The following SCN2B variants were observed in gnomAD, a reference collection of about 807,000 sequenced individuals.
SCN2B encodes sodium channel regulatory subunit beta-2.
In SCN2B, 14 loss-of-function variants were observed where a neutral mutation model predicts 18.2. The observed-to-expected ratio is 0.77, with a 90% CI of 0.51 to 1.21. SCN2B has a LOEUF of 1.21. Ranked by LOEUF, SCN2B falls within the 50% of genes most tolerant of loss-of-function variation. The pLI is 0.00. For synonymous variants in SCN2B, 115 were observed against 115.3 expected, an observed-to-expected ratio of 1.00 and a Z score of 0.02; for missense variants, 262 against 286.9, an observed-to-expected ratio of 0.91 and a Z score of 0.63.
At chr11:118,174,672 C>A (rs1212251143) in intron 1 of SCN2B, among the ~76,000 whole-genome samples, 1 of 152,194 alleles carries the variant, frequency 6.6e-6, no homozygotes, top group Non-Finnish European at 1.5e-5. Context: ...CCTCCCACTA[C>A]CATCTCCCCA....
In SCN2B at chr11:118,176,421, T is replaced by A. The variant is rs766461894; in HGVS notation, c.11A>T (p.Asp4Val). 6.2e-7 allele frequency: 1 copy of A among 1,613,978 alleles called. No individual in the cohort carries two copies. Among genetic ancestry groups the A allele is most frequent in the Non-Finnish European group, 8.5e-7 (1 of 1,179,986 alleles). Residue 4 changes from aspartate (D) to valine (V), a missense_variant, in exon 1 of 4, where the codon GAT becomes GTT. Transcript: ENST00000278947. MHR[D>V]AWLPRPAFSL... Reference sequence around the variant, plus strand: ...GAAGGCAGGGCGAGGTAGCCAGGCATCTCTGTGCATTTTCAGAGACTGAGA... The same window carrying A: ...GAAGGCAGGGCGAGGTAGCCAGGCAACTCTGTGCATTTTCAGAGACTGAGA...
intron 1 of SCN2B, among the ~76,000 whole-genome samples, chr11:118,172,346 T>C (rs1010469925): frequency 6.6e-6 from 1 of 152,206 alleles, no homozygotes; most frequent in African/African-American, 2.4e-5. Flanking sequence ...CACAAAGAAG[T>C]TAAGAGACGA....
At position 118,164,592 on chromosome 11, in the gene SCN2B, C is replaced by T. The variant is rs1451892615; in HGVS notation, c.*2295G>A. ...CACCCTTGACCCTGTTGTATTGCCC[C>T]TCTTCCCTGCTGTTTCTCCCTTCCC... is the stretch of plus-strand genomic sequence containing the variant. On this transcript the variant is annotated 3_prime_UTR_variant, in exon 4 of 4. Transcript: ENST00000278947. 2 of 152,938 alleles carry T rather than the reference C, an allele frequency of 1.3e-5. No homozygotes were observed. Among genetic ancestry groups the T allele is most frequent in the African/African-American group, 2.4e-5 (1 of 41,472 alleles). 9.5% of individuals were successfully genotyped at this position (152,938 alleles called of 1,614,324 possible).
In SCN2B at chr11:118,166,878, G is replaced by A. The variant is rs759635029; in HGVS notation, c.*9C>T. On this transcript the variant is annotated 3_prime_UTR_variant, in exon 4 of 4. Coordinates refer to ENST00000278947, the MANE Select transcript of SCN2B (RefSeq NM_004588.5). ...ACGGGACACGGGAGGCTGCAGGGCC[G>A]GCCACCCACTACTTGGCGCCATCAT... is the stretch of plus-strand genomic sequence containing the variant. 18 of 1,613,540 alleles carry A rather than the reference G, an allele frequency of 1.1e-5. No individual in the cohort carries two copies. Among genetic ancestry groups the A allele is most frequent in the East Asian group, 4.5e-5 (2 of 44,870 alleles).
rs949783119 is a variant in SCN2B at position 118,168,856 on chromosome 11, C to T, written c.71-105G>A. The T allele has an allele frequency of 7.9e-7, 1 of 1,270,890 alleles. No individual in the cohort carries two copies. Among genetic ancestry groups the T allele is most frequent in the Non-Finnish European group, 1.1e-6 (1 of 872,482 alleles). 78.7% of individuals were successfully genotyped at this position (1,270,890 alleles called of 1,614,324 possible). A position where few individuals can be genotyped will look rare whatever the true frequency, so the allele number is the denominator to read the frequency against. The stretch of plus-strand genomic sequence containing the variant: ...TGGGGGATGAGGCAGAGCAGAGCCA[C>T]AGGGAGGGGACTGGGTCCCTGACAG... On this transcript the variant is annotated intron_variant, in intron 1 of 3. Transcript: ENST00000278947. The surrounding 1 kb of genome is among the most constrained non-coding windows in gnomAD (Gnocchi z 4.7).
chr11:118,170,472 G>A (rs1355866676), intron 1 of SCN2B, among the ~76,000 whole-genome samples: 1 of 152,176 alleles, frequency 6.6e-6, no homozygotes, highest in Non-Finnish European at 1.5e-5. Context: ...TGAGACCTGA[G>A]GTCCAAGAGT....
intron 1 of SCN2B, among the ~76,000 whole-genome samples, chr11:118,175,225 C>T (rs946664688): frequency 1.3e-5 from 2 of 152,162 alleles, no homozygotes; most frequent in Non-Finnish European, 2.9e-5. Flanking sequence ...TTAGTTTACC[C>T]GGGAGGGAAC....
At chr11:118,167,876 T>G (rs1238475638) in intron 3 of SCN2B, among the ~76,000 whole-genome samples, 2 of 152,190 alleles carry the variant, frequency 1.3e-5, no homozygotes, top group South Asian at 2.1e-4. Context: ...AGACTGGGAT[T>G]ATATTCTGTA....
intron 1 of SCN2B, among the ~76,000 whole-genome samples, chr11:118,170,029 G>A (rs1470497996): frequency 6.6e-6 from 1 of 152,146 alleles, no homozygotes; most frequent in African/African-American, 2.4e-5. Flanking sequence ...TTTTCTTTAT[G>A]GAGGATAAAC....
chr11:118,176,259 G>C, intron 1 of SCN2B, 103 bp downstream of exon 1: 1 of 1,117,674 alleles, frequency 8.9e-7, no homozygotes, highest in Non-Finnish European at 1.4e-6. Flanking sequence ...GACACAGAGG[G>C]AAAGCGCTAG....
In SCN2B at chr11:118,166,777, C is replaced by G. The variant is rs542359426; in HGVS notation, c.*110G>C. ...GGGGTTCAGGAGGCCCCAGGTGGGC[C>G]CTGGGGTCCTAGGTCACGGGAAGCA... On this transcript the variant is annotated 3_prime_UTR_variant, in exon 4 of 4. Coordinates refer to ENST00000278947, the MANE Select transcript of SCN2B (RefSeq NM_004588.5). The G allele has an allele frequency of 6.6e-6, 9 of 1,369,688 alleles. No homozygotes were observed. Among genetic ancestry groups the G allele is most frequent in the Non-Finnish European group, 9.2e-6 (9 of 973,890 alleles). 84.8% of individuals were successfully genotyped at this position (1,369,688 alleles called of 1,614,324 possible). A position where few individuals can be genotyped will look rare whatever the true frequency, so the allele number is the denominator to read the frequency against.
intron 1 of SCN2B, among the ~76,000 whole-genome samples, chr11:118,172,746 C>T (rs1254976073): frequency 6.6e-6 from 1 of 152,246 alleles, no homozygotes; most frequent in Admixed American, 6.5e-5. Flanking sequence ...GGCCTCGTGT[C>T]ATCCACTGTT....
chr11:118,169,491 C>T (rs1948413278), intron 1 of SCN2B, among the ~76,000 whole-genome samples: 1 of 152,206 alleles, frequency 6.6e-6, no homozygotes, highest in Admixed American at 6.5e-5. Context: ...GAAGGCCTCG[C>T]TCTCCATACC....
chr11:118,176,425 T>C lies in SCN2B; in HGVS notation c.7A>G (p.Arg3Gly). 6.2e-7 allele frequency: 1 copy of C among 1,613,912 alleles called. No individual in the cohort carries two copies. The highest frequency in any genetic ancestry group is 8.5e-7 in the Non-Finnish European group (1 of 1,179,840). The change falls in exon 1 of 4, where the codon AGA becomes GGA. Residue 3 changes from arginine to glycine, a missense_variant. Coordinates refer to ENST00000278947, the MANE Select transcript of SCN2B (RefSeq NM_004588.5). MH[R>G]DAWLPRPAFS... Reference sequence around the variant, plus strand: ...GCAGGGCGAGGTAGCCAGGCATCTCTGTGCATTTTCAGAGACTGAGATGTT... The same window carrying C: ...GCAGGGCGAGGTAGCCAGGCATCTCCGTGCATTTTCAGAGACTGAGATGTT...
At position 118,168,378 on chromosome 11, in the gene SCN2B, C is replaced by T. The variant is rs1948403425; in HGVS notation, c.238-83G>A. On this transcript the variant is annotated intron_variant, in intron 2 of 3. Transcript: ENST00000278947. This position sits in a 1 kb window ranked among gnomAD's most constrained non-coding sequence, Gnocchi z 4.7. ...AGTGAGGATGCCCCCTCTTCCCATC[C>T]ACCCTTTTCCTGGGGAAGAGAGGCA... The T allele has an allele frequency of 2.9e-6, 4 of 1,365,014 alleles. No individual in the cohort carries two copies. Among genetic ancestry groups the T allele is most frequent in the Admixed American group, 1.7e-5 (1 of 58,950 alleles). 84.6% of individuals were successfully genotyped at this position (1,365,014 alleles called of 1,614,324 possible). A position where few individuals can be genotyped will look rare whatever the true frequency, so the allele number is the denominator to read the frequency against.
rs544139018 is a variant in SCN2B, at chr11:118,167,943, A to G, written c.448+142T>C. The G allele has an allele frequency of 9.6e-6, 7 of 725,970 alleles. No individual in the cohort carries two copies. In the African/African-American group the frequency reaches 1.0e-4, roughly 11 times the overall value. The allele number at this position is 725,970 out of a possible 1,614,324, so 45.0% of individuals were successfully genotyped here. Reference sequence around the variant, plus strand: ...AGGTTCTTGAGGACTAGAGGGAAGAAAATGGATTCCTTCTATGCAGCACAA... The same window carrying G: ...AGGTTCTTGAGGACTAGAGGGAAGAGAATGGATTCCTTCTATGCAGCACAA... On this transcript the variant is annotated intron_variant, in intron 3 of 3. Coordinates refer to ENST00000278947, the MANE Select transcript of SCN2B (RefSeq NM_004588.5).
intron 1 of SCN2B, among the ~76,000 whole-genome samples, chr11:118,172,205 C>T (rs1948435495): frequency 6.6e-6 from 1 of 152,268 alleles, no homozygotes; most frequent in African/African-American, 2.4e-5. Context: ...GAAAGGACTT[C>T]ATCACAGCCA....
chr11:118,173,062 C>T (rs1390380828), intron 1 of SCN2B, among the ~76,000 whole-genome samples: 1 of 152,100 alleles, frequency 6.6e-6, no homozygotes, highest in Admixed American at 6.5e-5. Context: ...AGTCCATCCC[C>T]GTGCAGCCAG....
In SCN2B at chr11:118,164,025, T is replaced by G. The variant is rs1948355435; in HGVS notation, c.*2862A>C. 6.6e-6 allele frequency: 1 copy of G among 152,148 alleles called. No individual in the cohort carries two copies. The highest frequency in any genetic ancestry group is 2.1e-4 in the South Asian group (1 of 4,826). The allele number at this position is 152,148 out of a possible 1,614,324, so 9.4% of individuals were successfully genotyped here. On this transcript the variant is annotated 3_prime_UTR_variant, in exon 4 of 4. Coordinates refer to ENST00000278947, the MANE Select transcript of SCN2B (RefSeq NM_004588.5). ...AGATGGTTCCTGACCCAGCCCCATC[T>G]GCTGGGGCCCTGAGGCCCGTGAAGA...
Sources: allele counts gnomAD v4.1 joint callset (sites outside exome capture counted in the v4.1 genomes callset), GRCh38; gene constraint gnomAD v4.1.1; non-coding constraint Gnocchi (gnomAD v3.1); transcripts MANE v1.5; gene names NCBI Gene and HGNC (gene_info 2026-07-23, HGNC 2026-07-21).